HS6ST3: variants seen among roughly 807,000 people sequenced by gnomAD.
HS6ST3 encodes the protein heparan-sulfate 6-O-sulfotransferase 3.
In HS6ST3, 12 loss-of-function variants were observed where a neutral mutation model predicts 36.7. The observed-to-expected ratio is 0.33, with a 90% CI of 0.21 to 0.53. The LOEUF is 0.53. Among genes scored for constraint, HS6ST3 ranks in the 20% least tolerant of loss-of-function variants. The probability of loss-of-function intolerance (pLI) is 0.95; values close to 1 mark genes in which losing one functional copy is unlikely to be tolerated. For synonymous variants in HS6ST3, 240 were observed against 257.5 expected (o/e 0.93, Z 0.65); for missense variants, 584 against 640.9 (o/e 0.91, Z 0.96).
intron 1 of HS6ST3, among the ~76,000 whole-genome samples, chr13:96,766,155 A>G (rs1316170042): frequency 6.6e-6 from 1 of 152,236 alleles, no homozygotes; most frequent in African/African-American, 2.4e-5. Flanking sequence ...CATTACTTAC[A>G]TGAAAGGGCA....
intron 1 of HS6ST3, among the ~76,000 whole-genome samples, chr13:96,764,236 T>A (rs1015367175): frequency 3.9e-5 from 6 of 152,232 alleles, no homozygotes; most frequent in African/African-American, 1.4e-4. Context: ...TGGACTGTTT[T>A]CAAAGAACAA....
At chr13:96,595,949 T>A (rs2056399947) in intron 1 of HS6ST3, among the ~76,000 whole-genome samples, 1 of 152,188 alleles carries the variant, frequency 6.6e-6, no homozygotes, top group South Asian at 2.1e-4. Flanking sequence ...TAAAACAATT[T>A]TTTTTGTTTC....
At chr13:96,418,976 G>A (rs2055548650) in intron 1 of HS6ST3, among the ~76,000 whole-genome samples, 1 of 152,226 alleles carries the variant, frequency 6.6e-6, no homozygotes, top group East Asian at 1.9e-4. Flanking sequence ...CTAAAGCTCA[G>A]CACCAGGGGC....
At chr13:96,540,150 A>C (rs1017283560) in intron 1 of HS6ST3, among the ~76,000 whole-genome samples, 1 of 152,194 alleles carries the variant, frequency 6.6e-6, no homozygotes, top group Non-Finnish European at 1.5e-5. Flanking sequence ...TTTTTCCTGG[A>C]GGTTGGGTCT....
At chr13:96,791,063 T>C (rs945091469) in intron 1 of HS6ST3, among the ~76,000 whole-genome samples, 2 of 152,042 alleles carry the variant, frequency 1.3e-5, no homozygotes, top group Admixed American at 1.3e-4. Context: ...TTTGGGGGAA[T>C]CTTCTTTTTC....
rs940466627 is a variant in HS6ST3, at chr13:96,739,237, G to A, written c.708-93253G>A. On this transcript the variant is annotated intron_variant, in intron 1 of 1. Coordinates refer to ENST00000376705, the MANE Select transcript of HS6ST3 (RefSeq NM_153456.4). Reference sequence around the variant, plus strand: ...CATTTGCTTGTGTGTGTGTGTGTGTGTGTGTGTGTGTGTGTGTGTGTGTGT... The same window carrying A: ...CATTTGCTTGTGTGTGTGTGTGTGTATGTGTGTGTGTGTGTGTGTGTGTGT... 4.7e-5 allele frequency among the ~76,000 whole-genome samples: 7 copies of A among 147,932 alleles called. No individual in the cohort carries two copies. The South Asian group carries it at 1.1e-3, about 23-fold the overall frequency.
intron 1 of HS6ST3, among the ~76,000 whole-genome samples, chr13:96,640,982 T>A (rs1335730890): frequency 6.6e-6 from 1 of 151,990 alleles, no homozygotes; most frequent in Non-Finnish European, 1.5e-5. Flanking sequence ...AGTCAGGTGA[T>A]ATGATGCCTC....
chr13:96,197,775 C>G (rs1245946980), intron 1 of HS6ST3, among the ~76,000 whole-genome samples: 1 of 152,174 alleles, frequency 6.6e-6, no homozygotes, highest in Non-Finnish European at 1.5e-5. Flanking sequence ...TTTTAAAGCT[C>G]TAAATGATCT....
chr13:96,664,531 T>C (rs535294053), intron 1 of HS6ST3, among the ~76,000 whole-genome samples: 5 of 152,224 alleles, frequency 3.3e-5, no homozygotes, highest in African/African-American at 1.2e-4. Flanking sequence ...GCCCTGTGTC[T>C]CTCATTTCTA....
intron 1 of HS6ST3, among the ~76,000 whole-genome samples, chr13:96,556,419 TA>T (rs1283172955): frequency 2.6e-5 from 4 of 152,222 alleles, no homozygotes; most frequent in Non-Finnish European, 4.4e-5. Context: ...CTTATATTTC[TA>T]ACTTTAAAAT....
chr13:96,770,738 A>C (rs779978282), intron 1 of HS6ST3, among the ~76,000 whole-genome samples: 2 of 152,250 alleles, frequency 1.3e-5, no homozygotes, highest in Non-Finnish European at 2.9e-5. Context: ...ACTTTCATCA[A>C]GCTTGAGTTG....
At chr13:96,239,910 A>C (rs1208218815) in intron 1 of HS6ST3, among the ~76,000 whole-genome samples, 3 of 152,154 alleles carry the variant, frequency 2.0e-5, no homozygotes, top group African/African-American at 7.2e-5. Context: ...TTTCCTTAAT[A>C]GCATCTTTAA....
chr13:96,238,016 A>G (rs548821330), intron 1 of HS6ST3, among the ~76,000 whole-genome samples: 115 of 152,248 alleles, frequency 7.6e-4, no homozygotes, highest in Non-Finnish European at 1.5e-3. Context: ...CCATCTTGAC[A>G]TCTTCAGTTA....
intron 1 of HS6ST3, among the ~76,000 whole-genome samples, chr13:96,353,827 A>C (rs929907645): frequency 6.6e-6 from 1 of 152,252 alleles, no homozygotes; most frequent in African/African-American, 2.4e-5. Flanking sequence ...AAGGATTTAT[A>C]AACATACAAA....
At chr13:96,342,625 A>T (rs929222732) in intron 1 of HS6ST3, among the ~76,000 whole-genome samples, 1 of 152,192 alleles carries the variant, frequency 6.6e-6, no homozygotes, top group Non-Finnish European at 1.5e-5. Flanking sequence ...ACAAAGCAAT[A>T]ATCTGTCTTT....
chr13:96,501,037 T>A (rs2138912959), intron 1 of HS6ST3, among the ~76,000 whole-genome samples: 1 of 152,160 alleles, frequency 6.6e-6, no homozygotes, highest in Non-Finnish European at 1.5e-5. Context: ...CAAGAGGAGA[T>A]GGGTAGGATT....
chr13:96,326,361 T>C (rs952481638), intron 1 of HS6ST3, among the ~76,000 whole-genome samples: 19 of 124,376 alleles, frequency 1.5e-4, no homozygotes, highest in Admixed American at 3.2e-4. Context: ...CAGTGTGTGA[T>C]GTTCCCCTTC....
At chr13:96,796,265 A>T (rs887518375) in intron 1 of HS6ST3, among the ~76,000 whole-genome samples, 2 of 152,062 alleles carry the variant, frequency 1.3e-5, no homozygotes, top group East Asian at 3.9e-4. Context: ...AAGCCTCATC[A>T]TATTTTCCTT....
intron 1 of HS6ST3, among the ~76,000 whole-genome samples, chr13:96,742,357 G>C (rs943378372): frequency 6.6e-6 from 1 of 152,042 alleles, no homozygotes; most frequent in African/African-American, 2.4e-5. Flanking sequence ...TGGCCAAACT[G>C]TAGCTTTAAT....
Sources: allele counts gnomAD v4.1 joint callset (sites outside exome capture counted in the v4.1 genomes callset), GRCh38; gene constraint gnomAD v4.1.1; transcripts MANE v1.5; gene names NCBI Gene and HGNC (gene_info 2026-07-23, HGNC 2026-07-21).